Variants in FERMT1 observed in about 807,000 individuals in gnomAD.
FERMT1 encodes the protein fermitin family homolog 1.
FERMT1 carries 60 observed loss-of-function variants against 85.3 expected under a neutral mutation model. The ratio of observed to expected loss-of-function variants is 0.70; its 90% confidence interval spans 0.57 to 0.87. FERMT1 has a LOEUF of 0.87. FERMT1 is among the 40% of genes least tolerant of loss of function. The pLI is 0.00. For synonymous variants in FERMT1, 275 were observed against 301.1 expected (o/e 0.91, Z 0.90); for missense variants, 701 against 818.9 (o/e 0.86, Z 1.76).
At chr20:6,103,426 A>G (rs1982713604) in intron 6 of FERMT1, among the ~76,000 whole-genome samples, 1 of 152,224 alleles carries the variant, frequency 6.6e-6, no homozygotes, top group African/African-American at 2.4e-5. Flanking sequence ...TAACTGTGCT[A>G]TAAACACCTA....
chr20:6,111,620 A>G (rs980786875), intron 4 of FERMT1, among the ~76,000 whole-genome samples: 1 of 151,936 alleles, frequency 6.6e-6, no homozygotes, highest in Non-Finnish European at 1.5e-5. Context: ...TGACAGAGCA[A>G]GACTCTGTCT....
chr20:6,113,633 C>A (rs888893149), intron 3 of FERMT1, among the ~76,000 whole-genome samples: 1 of 152,132 alleles, frequency 6.6e-6, no homozygotes. Context: ...AGGGTCTGCA[C>A]TGCAACAGCC....
intron 6 of FERMT1, among the ~76,000 whole-genome samples, chr20:6,098,726 A>G (rs929318893): frequency 2.6e-5 from 4 of 152,208 alleles, no homozygotes; most frequent in Non-Finnish European, 5.9e-5. Context: ...TAAATTACAG[A>G]TGGATTAAAT....
At position 6,085,598 on chromosome 20, in the gene FERMT1, C is replaced by T. The variant is rs79735080; in HGVS notation, c.1372-311G>A. 2.7e-3 allele frequency among the ~76,000 whole-genome samples: 411 copies of T among 152,280 alleles called. 4 individuals are homozygous for T. Among genetic ancestry groups the T allele is most frequent in the Non-Finnish European group, 4.2e-3 (288 of 68,032 alleles). ...AGGTGCGGTGGCTCATGCCTGTCAT[C>T]CTCAACTTTGGGAGGTTGAGGTGGG... On this transcript the variant is annotated intron_variant, in intron 11 of 14. Transcript: ENST00000217289.
At chr20:6,096,689 A>G (rs1982506490) in intron 8 of FERMT1, among the ~76,000 whole-genome samples, 1 of 151,390 alleles carries the variant, frequency 6.6e-6, no homozygotes, top group African/African-American at 2.4e-5. Flanking sequence ...ACACAAAAGT[A>G]TTGTCATTAG....
At chr20:6,082,301 C>T (rs753223168) in intron 13 of FERMT1, among the ~76,000 whole-genome samples, 31 of 152,198 alleles carry the variant, frequency 2.0e-4, no homozygotes, top group Non-Finnish European at 4.1e-4. Context: ...TCTCTCAACA[C>T]AGTAGGTTCG....
intron 3 of FERMT1, among the ~76,000 whole-genome samples, chr20:6,113,228 C>T (rs1473894478): frequency 1.3e-5 from 2 of 152,180 alleles, no homozygotes; most frequent in Non-Finnish European, 2.9e-5. Context: ...GTGACTTGCT[C>T]CTCCTTGCCT....
At chr20:6,082,604 G>A (rs6107757) in intron 13 of FERMT1, among the ~76,000 whole-genome samples, 4,218 of 152,248 alleles carry the variant, frequency 0.028, 109 homozygotes, top group Middle Eastern at 0.061. Context: ...ACAAACGTTG[G>A]GGACTGATAT....
At chr20:6,097,070 C>T (rs1196492959) in intron 7 of FERMT1, 37 bp from the exon 8 acceptor site, 1 of 1,598,048 alleles carries the variant, frequency 6.3e-7, no homozygotes, top group Admixed American at 1.7e-5. Context: ...ATGTTATAAA[C>T]AGAAATGTTA....
intron 6 of FERMT1, among the ~76,000 whole-genome samples, chr20:6,100,232 A>G (rs1364268817): frequency 6.6e-6 from 1 of 152,264 alleles, no homozygotes; most frequent in Non-Finnish European, 1.5e-5. Flanking sequence ...TGTAGTATAC[A>G]TAAACAAGGA....
intron 3 of FERMT1, among the ~76,000 whole-genome samples, chr20:6,115,357 T>C (rs993743604): frequency 6.6e-6 from 1 of 152,212 alleles, no homozygotes; most frequent in African/African-American, 2.4e-5. Flanking sequence ...ACTTCATAAG[T>C]GATTTTTATG....
At position 6,084,118 on chromosome 20, in the gene FERMT1, G is replaced by A. The variant is rs370050989; in HGVS notation, c.1640C>T (p.Pro547Leu). ...LEAHQNVAQM[P>L]LVEAKLRFIQ... is the part of the protein sequence containing the mutation. The stretch of plus-strand genomic sequence containing the variant: ...GAACCGCAGCTTGGCTTCGACCAGG[G>A]GCATCTGGGCCACGTTCTGGTGCGC... The change falls in exon 13 of 15, where the codon CCC becomes CTC. Residue 547 changes from proline (P) to leucine (L), a missense_variant. Transcript: ENST00000217289. 1.1e-5 allele frequency: 18 copies of A among 1,613,668 alleles called. No homozygotes were observed. Among genetic ancestry groups the A allele is most frequent in the Non-Finnish European group, 1.4e-5 (17 of 1,179,880 alleles).
chr20:6,084,086 C>T lies in FERMT1; in HGVS notation c.1672G>A (p.Ala558Thr). 2 of 1,614,058 alleles carry T rather than the reference C, an allele frequency of 1.2e-6. No homozygotes were observed. The highest frequency in any genetic ancestry group is 1.7e-6 in the Non-Finnish European group (2 of 1,180,000). ...CCAAACTCAGGCAGTGACTGCCACG[C>T]CTGGATGAACCGCAGCTTGGCTTCG... ...LVEAKLRFIQ[A>T]WQSLPEFGLT... Residue 558 changes from alanine (A) to threonine (T), a missense_variant, in exon 13 of 15, where the codon GCG (alanine) becomes ACG (threonine). Transcript: ENST00000217289.
chr20:6,079,207 C>T (rs1981923979), intron 14 of FERMT1, among the ~76,000 whole-genome samples: 1 of 152,200 alleles, frequency 6.6e-6, no homozygotes, highest in Non-Finnish European at 1.5e-5. Context: ...TGAAAGTCTG[C>T]ATGGAGACTA....
intron 3 of FERMT1, among the ~76,000 whole-genome samples, chr20:6,115,108 A>G (rs1983061831): frequency 6.6e-6 from 1 of 152,210 alleles, no homozygotes; most frequent in African/African-American, 2.4e-5. Flanking sequence ...ATCACTATAT[A>G]TTATCTATTC....
rs1315881486 is a variant in FERMT1, at chr20:6,104,302, T to C, written c.849+3230A>G. On this transcript the variant is annotated intron_variant, in intron 6 of 14. Coordinates refer to ENST00000217289, the MANE Select transcript of FERMT1 (RefSeq NM_017671.5). The surrounding 1 kb of genome is among the most constrained non-coding windows in gnomAD (Gnocchi z 4.2). ...CAGAGAAGCTCTCTAGTCCTCACTG[T>C]AGATTTTAGTTTCTACTTGTAGGGT... Among the ~76,000 whole-genome samples the C allele has an allele frequency of 6.6e-6, 1 of 152,240 alleles. No homozygotes were observed. The highest frequency in any genetic ancestry group is 1.9e-4 in the East Asian group (1 of 5,204).
chr20:6,077,118 G>A lies in FERMT1; in HGVS notation c.*55C>T. On this transcript the variant is annotated 3_prime_UTR_variant, in exon 15 of 15. Coordinates refer to ENST00000217289, the MANE Select transcript of FERMT1 (RefSeq NM_017671.5). ...GCTGGGCACGTTAGGGATCCCTCTG[G>A]GGAGGGGCGCCTTTGGCTTGCCTTG... 2 of 1,579,384 alleles carry A rather than the reference G, an allele frequency of 1.3e-6. No homozygotes were observed. Among genetic ancestry groups the A allele is most frequent in the Non-Finnish European group, 1.7e-6 (2 of 1,149,982 alleles).
chr20:6,119,285 G>A lies in FERMT1; in HGVS notation c.151+119C>T, dbSNP rs1030422011. 1.7e-5 allele frequency: 17 copies of A among 1,025,142 alleles called. No homozygotes were observed. In the African/African-American group the frequency reaches 2.5e-4, roughly 15 times the overall value. The allele number at this position is 1,025,142 out of a possible 1,614,324, so 63.5% of individuals were successfully genotyped here. On this transcript the variant is annotated intron_variant, in intron 2 of 14. Coordinates refer to ENST00000217289, the MANE Select transcript of FERMT1 (RefSeq NM_017671.5). ...TTCTCTCCTCTGGGATGAGGGGTGG[G>A]GGATTGCTCTCCAGGGCATTACAAG...
chr20:6,090,929 C>A (rs958390297), intron 9 of FERMT1, among the ~76,000 whole-genome samples: 3 of 151,758 alleles, frequency 2.0e-5, no homozygotes, highest in African/African-American at 4.8e-5. Context: ...TTTGGGAGGC[C>A]GAGGCAGGCT....
Sources: allele counts gnomAD v4.1 joint callset (sites outside exome capture counted in the v4.1 genomes callset), GRCh38; gene constraint gnomAD v4.1.1; non-coding constraint Gnocchi (gnomAD v3.1); transcripts MANE v1.5; gene names NCBI Gene and HGNC (gene_info 2026-07-23, HGNC 2026-07-21).